Variants in PHACTR2 observed in about 807,000 individuals in gnomAD.
PHACTR2 encodes the protein chromosome 6 open reading frame 56.
In PHACTR2, 30 loss-of-function variants were observed where a neutral mutation model predicts 76.0. The observed-to-expected ratio is 0.39, with a 90% CI of 0.30 to 0.54. PHACTR2 has a LOEUF of 0.54. Ranked by LOEUF, PHACTR2 falls within the 20% of genes least tolerant of loss-of-function variation. PHACTR2 has a pLI of 0.61. For missense variants in PHACTR2, 696 were observed against 781.1 expected (o/e 0.89, Z 1.30); for synonymous variants, 292 against 292.5 (o/e 1.00, Z 0.02).
Position 143,761,737 on chromosome 6 carries a change from G to A in PHACTR2, c.694+1097G>A, listed in dbSNP as rs1463275816. ...CCACTGCACTCCAGCCTGGGCGACAGAATGAGACTCCATCTCAAAAAAAAA... is the reference window on the plus strand; with the variant it reads ...CCACTGCACTCCAGCCTGGGCGACAAAATGAGACTCCATCTCAAAAAAAAA... On this transcript the variant is annotated intron_variant, in intron 5 of 12. Transcript: ENST00000440869. This position sits in a 1 kb window ranked among gnomAD's most constrained non-coding sequence, Gnocchi z 5.2. 1.3e-5 allele frequency among the ~76,000 whole-genome samples: 2 copies of A among 151,578 alleles called. No homozygotes were observed. The highest frequency in any genetic ancestry group is 4.9e-5 in the African/African-American group (2 of 41,194).
At chr6:143,756,122 A>G (rs988290560) in intron 4 of PHACTR2, among the ~76,000 whole-genome samples, 2 of 152,100 alleles carry the variant, frequency 1.3e-5, no homozygotes, top group Admixed American at 6.5e-5. Context: ...CTAGATGTGT[A>G]TTATATCTCT....
rs1190075785 is a variant in PHACTR2 at position 143,758,243 on chromosome 6, G to C, written c.455-2158G>C. On this transcript the variant is annotated intron_variant, in intron 4 of 12. Coordinates refer to ENST00000440869, the MANE Select transcript of PHACTR2 (RefSeq NM_001100164.2). ...AGGCAGAAAGGAAAAACATCCCTCAGTGACATGCTATTAAGGGAGAGGATA... is the reference window on the plus strand; with the variant it reads ...AGGCAGAAAGGAAAAACATCCCTCACTGACATGCTATTAAGGGAGAGGATA... Among the ~76,000 whole-genome samples the C allele has an allele frequency of 2.0e-5, 3 of 152,266 alleles. No individual in the cohort carries two copies. In the East Asian group the frequency reaches 5.8e-4, roughly 29 times the overall value.
chr6:143,738,348 TCAAAA>T lies in PHACTR2; in HGVS notation c.215-10621_215-10617del, dbSNP rs925736960. ...CTGGGCGACAGAGGGAGACTCCATC[TCAAAA>T]CAAAACAAAACAAAAGATTATACAT... On this transcript the variant is annotated intron_variant, in intron 2 of 12. Transcript: ENST00000440869. The surrounding 1 kb of genome is among the most constrained non-coding windows in gnomAD (Gnocchi z 4.0). Among the ~76,000 whole-genome samples the T allele has an allele frequency of 1.2e-4, 18 of 151,828 alleles. No homozygotes were observed. The highest frequency in any genetic ancestry group is 4.4e-4 in the African/African-American group (18 of 41,306).
At chr6:143,563,551 C>CAAAAAAAAAAAAAAAA (rs76587878) in intron 1 of PHACTR2, among the ~76,000 whole-genome samples, 20 of 29,960 alleles carry the variant, frequency 6.7e-4, no homozygotes, top group African/African-American at 1.6e-3. Context: ...AACTCCGTCT[C>CAAAAAAAAAAAAAAAA]AAAAAAAAAA....
At position 143,774,285 on chromosome 6, in the gene PHACTR2, A is replaced by C; in HGVS notation, c.1589+70A>C. 1 of 1,274,718 alleles carries C rather than the reference A, an allele frequency of 7.8e-7. No homozygotes were observed. The highest frequency in any genetic ancestry group is 1.5e-5 in the African/African-American group (1 of 67,644). 79.0% of individuals were successfully genotyped at this position (1,274,718 alleles called of 1,614,324 possible). ...TCTCCCTCCCAAAGCTTCCTACCTAACTGGGGTCATTGTGAATTCCTTATG... is the reference window on the plus strand; with the variant it reads ...TCTCCCTCCCAAAGCTTCCTACCTACCTGGGGTCATTGTGAATTCCTTATG... On this transcript the variant is annotated intron_variant, in intron 8 of 12. Coordinates refer to ENST00000440869, the MANE Select transcript of PHACTR2 (RefSeq NM_001100164.2). The surrounding 1 kb of genome is among the most constrained non-coding windows in gnomAD (Gnocchi z 5.4).
At chr6:143,810,442 A>G (rs1776151490) in intron 12 of PHACTR2, 1 of 300,292 alleles carries the variant, frequency 3.3e-6, no homozygotes, top group African/African-American at 2.2e-5. Flanking sequence ...TGCCTAGTCT[A>G]CTCACTACTC....
rs1033283202 is a variant in PHACTR2, at chr6:143,548,278, A to G, written c.217+11071A>G. Reference sequence around the variant, plus strand: ...ACCCTCAATACCTCATCTAATCCTTATTACCTCCCAAAGACTCCACCTCAT... The same window carrying G: ...ACCCTCAATACCTCATCTAATCCTTGTTACCTCCCAAAGACTCCACCTCAT... On this transcript the variant is annotated intron_variant, in intron 1 of 11. Transcript: ENST00000367584. This position sits in a 1 kb window ranked among gnomAD's most constrained non-coding sequence, Gnocchi z 4.5. Among the ~76,000 whole-genome samples, 3 of 150,170 alleles carry G rather than the reference A, an allele frequency of 2.0e-5. No homozygotes were observed. The highest frequency in any genetic ancestry group is 2.0e-4 in the Admixed American group (3 of 15,088).
At chr6:143,628,764 G>A (rs569767907) in intron 1 of PHACTR2, among the ~76,000 whole-genome samples, 1 of 151,802 alleles carries the variant, frequency 6.6e-6, no homozygotes, top group African/African-American at 2.4e-5. Flanking sequence ...GAAGGTGGGG[G>A]AAGAGGGAGA....
At chr6:143,813,084 G>A (rs999173959) in intron 12 of PHACTR2, among the ~76,000 whole-genome samples, 20 of 152,044 alleles carry the variant, frequency 1.3e-4, no homozygotes, top group Non-Finnish European at 2.2e-4. Context: ...AGAGAATATC[G>A]CTTTTTAAAA....
rs1006753094 is a variant in PHACTR2, at chr6:143,730,817, G to A, written c.215-18168G>A. On this transcript the variant is annotated intron_variant, in intron 2 of 12. Coordinates refer to ENST00000440869, the MANE Select transcript of PHACTR2 (RefSeq NM_001100164.2). The surrounding 1 kb of genome is among the most constrained non-coding windows in gnomAD (Gnocchi z 4.8). ...GGCTGGAGTGCAGTGGCGCGATCTC[G>A]GCTCACTGTAACCTCCGCCTCTTGG... Among the ~76,000 whole-genome samples, 2 of 152,042 alleles carry A rather than the reference G, an allele frequency of 1.3e-5. No homozygotes were observed. Among genetic ancestry groups the A allele is most frequent in the African/African-American group, 2.4e-5 (1 of 41,408 alleles).
At chr6:143,766,373 A>G (rs138521164) in intron 6 of PHACTR2, among the ~76,000 whole-genome samples, 2 of 152,344 alleles carry the variant, frequency 1.3e-5, no homozygotes, top group Non-Finnish European at 2.9e-5. Context: ...ATTAGCCAAC[A>G]TGTCTTACAT....
chr6:143,666,453 A>T (rs1247350603), intron 1 of PHACTR2, among the ~76,000 whole-genome samples: 1 of 152,196 alleles, frequency 6.6e-6, no homozygotes, highest in Admixed American at 6.5e-5. Flanking sequence ...GAATCACCAC[A>T]GTGTCTTCCA....
chr6:143,640,887 A>C (rs1228383855), intron 1 of PHACTR2, among the ~76,000 whole-genome samples: 2 of 152,174 alleles, frequency 1.3e-5, no homozygotes, highest in Non-Finnish European at 2.9e-5. Flanking sequence ...GGTGGGCCCT[A>C]AATCCAGTAA....
chr6:143,590,179 A>G (rs1775674491), intron 1 of PHACTR2, among the ~76,000 whole-genome samples: 1 of 152,312 alleles, frequency 6.6e-6, no homozygotes, highest in South Asian at 2.1e-4. Flanking sequence ...TGTTCATTAA[A>G]ATCTGTCTTT....
chr6:143,699,345 G>C (rs191255618), intron 1 of PHACTR2, among the ~76,000 whole-genome samples: 2 of 152,210 alleles, frequency 1.3e-5, no homozygotes, highest in Admixed American at 1.3e-4. Flanking sequence ...CTGCTTGAGT[G>C]TCCTTCACAC....
rs1287218960 is a variant in PHACTR2, at chr6:143,570,178, T to A, written c.217+32971T>A. Among the ~76,000 whole-genome samples the A allele has an allele frequency of 2.7e-5, 4 of 148,554 alleles. No individual in the cohort carries two copies. Among genetic ancestry groups the A allele is most frequent in the African/African-American group, 1.0e-4 (4 of 40,088 alleles). ...AGATTTAACCAAAGATCAGCATTCG[T>A]GGCATCATAACATTTAAGAATTTAA... On this transcript the variant is annotated intron_variant, in intron 1 of 11. Coordinates refer to the PHACTR2 transcript ENST00000367584. This position sits in a 1 kb window ranked among gnomAD's most constrained non-coding sequence, Gnocchi z 4.6.
In PHACTR2 at chr6:143,811,522, T is replaced by G. The variant is rs1247677393; in HGVS notation, c.1922+4389T>G. Among the ~76,000 whole-genome samples, 6 of 152,164 alleles carry G rather than the reference T, an allele frequency of 3.9e-5. No individual in the cohort carries two copies. Among genetic ancestry groups the G allele is most frequent in the Non-Finnish European group, 8.8e-5 (6 of 68,014 alleles). On this transcript the variant is annotated intron_variant, in intron 12 of 12. Transcript: ENST00000440869. This position sits in a 1 kb window ranked among gnomAD's most constrained non-coding sequence, Gnocchi z 4.1. ...CTTTCAGGGAGAGTAACAGCTAATA[T>G]CAAGGGTAAATTTTAAAAGTTCTCC...
At position 143,556,014 on chromosome 6, in the gene PHACTR2, AAAAAC is replaced by A. The variant is rs1052876518; in HGVS notation, c.217+18812_217+18816del. Among the ~76,000 whole-genome samples, 8 of 152,198 alleles carry A rather than the reference AAAAAC, an allele frequency of 5.3e-5. No individual in the cohort carries two copies. Among genetic ancestry groups the A allele is most frequent in the African/African-American group, 1.7e-4 (7 of 41,446 alleles). ...TAATTTTTTTAAAAAGAAACAGAAA[AAAAAC>A]AAAAAGAAAAGAGACCAAACCTTTT... On this transcript the variant is annotated intron_variant, in intron 1 of 11. Transcript: ENST00000367584. The surrounding 1 kb of genome is among the most constrained non-coding windows in gnomAD (Gnocchi z 4.3).
intron 1 of PHACTR2, among the ~76,000 whole-genome samples, chr6:143,682,081 T>C (rs1276710194): frequency 6.6e-6 from 1 of 152,238 alleles, no homozygotes; most frequent in Non-Finnish European, 1.5e-5. Flanking sequence ...AATTTTGCAA[T>C]CAACCTGTCA....
Sources: gnomAD v4.1 joint callset for allele counts (sites outside exome capture counted in the v4.1 genomes callset) on GRCh38, gnomAD v4.1.1 for gene constraint, Gnocchi (gnomAD v3.1) non-coding constraint, MANE v1.5 for transcripts, NCBI Gene and HGNC (gene_info 2026-07-23, HGNC 2026-07-21) for gene names.